NT5C3A: variants seen among roughly 807,000 people sequenced by gnomAD.
NT5C3A encodes cytosolic 5'-nucleotidase 3A.
A neutral mutation model predicts 40.0 loss-of-function variants in NT5C3A; 23 were observed. That is an observed-to-expected ratio of 0.58 (90% CI 0.41 to 0.81). The LOEUF is 0.81. Among genes scored for constraint, NT5C3A ranks in the 40% least tolerant of loss-of-function variants. The pLI is 0.00. For synonymous variants in NT5C3A, 130 were observed against 141.4 expected (o/e 0.92, Z 0.57); for missense variants, 328 against 403.0 (o/e 0.81, Z 1.59).
In NT5C3A at chr7:33,022,053, C is replaced by CT. The variant is rs1429296526; in HGVS notation, c.353dup (p.Leu119ValfsTer12). The CT allele has an allele frequency of 6.0e-6, 9 of 1,511,532 alleles. No individual in the cohort carries two copies. The highest frequency in any genetic ancestry group is 8.3e-6 in the Non-Finnish European group (9 of 1,087,884). 93.6% of individuals were successfully genotyped at this position (1,511,532 alleles called of 1,614,324 possible). A position where few individuals can be genotyped will look rare whatever the true frequency, so the allele number is the denominator to read the frequency against. On this transcript the variant is annotated frameshift_variant and splice_region_variant, in exon 4 of 9. Coordinates refer to ENST00000610140, the MANE Select transcript of NT5C3A (RefSeq NM_001002010.5). LOFTEE classifies it high-confidence loss of function. Reference sequence around the variant, plus strand: ...ACTATAGATTGTTGTTAGTGTTTACCTTTTTTCTACATTCATCTGTAACCA... The same window carrying CT: ...ACTATAGATTGTTGTTAGTGTTTACCTTTTTTTCTACATTCATCTGTAACCA...
chr7:33,017,280 T>C (rs1183228883), intron 7 of NT5C3A, 159 bp downstream of exon 7: 3 of 596,196 alleles, frequency 5.0e-6, no homozygotes, highest in South Asian at 2.3e-5. Flanking sequence ...TTTTAAAATA[T>C]GGATATATTA....
intron 1 of NT5C3A, among the ~76,000 whole-genome samples, chr7:33,046,468 G>T (rs1787160751): frequency 1.3e-5 from 2 of 151,900 alleles, no homozygotes; most frequent in Admixed American, 1.3e-4. Flanking sequence ...CAGCCCAGAA[G>T]GTAGAGGCTG....
At chr7:33,046,047 C>T (rs566301692) in intron 1 of NT5C3A, 15 of 152,406 alleles carry the variant, frequency 9.8e-5, no homozygotes, top group African/African-American at 3.6e-4. Context: ...ATCCTTTCAC[C>T]TCAACCTCCC....
At chr7:33,025,257 C>T (rs370643526) in intron 2 of NT5C3A, among the ~76,000 whole-genome samples, 5 of 152,168 alleles carry the variant, frequency 3.3e-5, no homozygotes, top group African/African-American at 7.2e-5. Context: ...TAGAGATTTT[C>T]GACCAACTTG....
intron 1 of NT5C3A, among the ~76,000 whole-genome samples, chr7:33,031,107 C>A (rs60439433): frequency 9.8e-3 from 1,282 of 131,402 alleles, no homozygotes; most frequent in Middle Eastern, 0.028. Flanking sequence ...CAAAAAAAAA[C>A]AAAAAAAAAA....
intron 5 of NT5C3A, among the ~76,000 whole-genome samples, chr7:33,020,981 C>T (rs902718711): frequency 1.3e-5 from 1 of 78,846 alleles, no homozygotes; most frequent in Non-Finnish European, 2.6e-5. Flanking sequence ...CACATTAAGC[C>T]ACGTTTTGTT....
chr7:33,062,030 C>T (rs917259144), intron 1 of NT5C3A, among the ~76,000 whole-genome samples: 19 of 152,122 alleles, frequency 1.2e-4, no homozygotes, highest in Non-Finnish European at 2.1e-4. Flanking sequence ...ATAAACTATC[C>T]TGAATTTCTC....
rs553697912 is a variant in NT5C3A at position 33,015,553 on chromosome 7, G to A, written c.894+117C>T. On this transcript the variant is annotated intron_variant, in intron 8 of 8. Transcript: ENST00000610140. ...ACTCTAGCCTCGGTAACAGAGGCTT[G>A]TCTCAAAAAAAAAAGTCTCTAAAAT... 25 of 676,218 alleles carry A rather than the reference G, an allele frequency of 3.7e-5. 2 individuals are homozygous for A. Among genetic ancestry groups the A allele is most frequent in the Admixed American group, 3.5e-4 (13 of 37,068 alleles). The allele number at this position is 676,218 out of a possible 1,614,324, so 41.9% of individuals were successfully genotyped here.
intron 1 of NT5C3A, among the ~76,000 whole-genome samples, chr7:33,055,202 A>G (rs1051680675): frequency 7.9e-5 from 12 of 152,076 alleles, no homozygotes; most frequent in African/African-American, 2.9e-4. Flanking sequence ...GTGCCTGTCT[A>G]TAGTCCCAGC....
intron 1 of NT5C3A, 112 bp downstream of exon 1, chr7:33,062,456 G>T: frequency 1.0e-6 from 1 of 960,266 alleles, no homozygotes; most frequent in Non-Finnish European, 1.6e-6. Context: ...GACAGGCGAC[G>T]CCGGCAGCTC....
At chr7:33,037,295 T>C (rs1037541752) in intron 1 of NT5C3A, among the ~76,000 whole-genome samples, 7 of 152,248 alleles carry the variant, frequency 4.6e-5, no homozygotes, top group Non-Finnish European at 1.0e-4. Flanking sequence ...ACATCTCTCA[T>C]CATTATTCTA....
intron 2 of NT5C3A, among the ~76,000 whole-genome samples, chr7:33,024,968 T>C (rs1203232620): frequency 1.3e-5 from 2 of 152,020 alleles, no homozygotes; most frequent in Middle Eastern, 3.4e-3. Context: ...GGTAAAACCT[T>C]GTCTCTACTA....
At chr7:33,022,431 G>T (rs1192376122) in intron 3 of NT5C3A, among the ~76,000 whole-genome samples, 1 of 72,606 alleles carries the variant, frequency 1.4e-5, no homozygotes, top group Non-Finnish European at 2.9e-5. Context: ...TTAAATATAA[G>T]AAACACATAT....
At chr7:33,061,105 T>G (rs769644627) in intron 1 of NT5C3A, among the ~76,000 whole-genome samples, 2 of 152,204 alleles carry the variant, frequency 1.3e-5, no homozygotes, top group Non-Finnish European at 2.9e-5. Context: ...CTTAGATAAG[T>G]GGTATACAGA....
chr7:33,031,679 A>G (rs1786267921), intron 1 of NT5C3A, among the ~76,000 whole-genome samples: 1 of 152,190 alleles, frequency 6.6e-6, no homozygotes, highest in South Asian at 2.1e-4. Context: ...CTTAAACTAA[A>G]AATAAAAAAC....
At chr7:33,040,973 T>G (rs918490603) in intron 1 of NT5C3A, 9 of 985,338 alleles carry the variant, frequency 9.1e-6, no homozygotes, top group Non-Finnish European at 1.1e-5. Flanking sequence ...TCCAAAAGCC[T>G]TGACTAAGCC....
intron 1 of NT5C3A, chr7:33,029,790 C>T (rs1195982610): frequency 7.4e-6 from 7 of 952,354 alleles, no homozygotes; most frequent in African/African-American, 6.8e-5. Context: ...TGGTCTCAAA[C>T]TCCTGGGCTC....
intron 2 of NT5C3A, among the ~76,000 whole-genome samples, chr7:33,024,864 G>A (rs1316636176): frequency 6.6e-6 from 1 of 152,122 alleles, no homozygotes; most frequent in East Asian, 1.9e-4. Flanking sequence ...ATCCAGCCAG[G>A]CACGGTGGCT....
intron 1 of NT5C3A, among the ~76,000 whole-genome samples, chr7:33,028,794 G>A (rs776497606): frequency 4.1e-4 from 63 of 152,052 alleles, no homozygotes; most frequent in Middle Eastern, 3.2e-3. Flanking sequence ...AGTGGCTCAC[G>A]CCTGTAATCC....
Sources: gnomAD v4.1 joint callset for allele counts (sites outside exome capture counted in the v4.1 genomes callset) on GRCh38, gnomAD v4.1.1 for gene constraint, MANE v1.5 for transcripts, NCBI Gene and HGNC (gene_info 2026-07-23, HGNC 2026-07-21) for gene names.